LRRC37A2: variants seen among roughly 807,000 people sequenced by gnomAD.
LRRC37A2 encodes leucine rich repeat containing 37 member A2.
LRRC37A2 carries 9 observed loss-of-function variants against 68.8 expected under a neutral mutation model. The ratio of observed to expected loss-of-function variants is 0.13; its 90% CI spans 0.08 to 0.23. The LOEUF (loss-of-function observed/expected upper bound fraction) is 0.23, where lower values mean the gene tolerates loss of function less well. Ranked by LOEUF, LRRC37A2 falls within the 10% of genes least tolerant of loss-of-function variation. The probability of loss-of-function intolerance (pLI) is 1.00; values close to 1 mark genes in which losing one functional copy is unlikely to be tolerated. For missense variants in LRRC37A2, 168 were observed against 950.4 expected, an observed-to-expected ratio of 0.18 and a Z score of 10.82; for synonymous variants, 63 against 367.6, an observed-to-expected ratio of 0.17 and a Z score of 9.48.
chr17:46,718,637 G>A, the LRRC37A2 span, among the ~76,000 whole-genome samples: 3 of 152,114 alleles, frequency 2.0e-5, no homozygotes, highest in Non-Finnish European at 2.9e-5. Flanking sequence ...TAACATGACC[G>A]AGAATTTGGG....
chr17:46,710,755 C>T, the LRRC37A2 span, among the ~76,000 whole-genome samples: 2 of 152,094 alleles, frequency 1.3e-5, no homozygotes, highest in Non-Finnish European at 2.9e-5. Context: ...TGTTTTTATT[C>T]CATTAAGTCA....
chr17:46,936,678 T>A, the LRRC37A2 span: 1 of 985,088 alleles, frequency 1.0e-6, no homozygotes, highest in African/African-American at 1.7e-5. Context: ...TTCAAGTGAT[T>A]TAGAAGGTTG....
chr17:46,492,057 A>G, the LRRC37A2 span, among the ~76,000 whole-genome samples: 2 of 150,506 alleles, frequency 1.3e-5, no homozygotes, highest in Non-Finnish European at 2.9e-5. Context: ...TCCGCTTCCC[A>G]GGTTCAAGCG....
chr17:46,855,956 T>G, the LRRC37A2 span, among the ~76,000 whole-genome samples: 3 of 152,232 alleles, frequency 2.0e-5, no homozygotes, highest in Non-Finnish European at 4.4e-5. Flanking sequence ...CCCAAACTGC[T>G]GGGCTTATAG....
chr17:46,816,127 ACACT>A, the LRRC37A2 span, among the ~76,000 whole-genome samples: 1 of 128,352 alleles, frequency 7.8e-6, no homozygotes, highest in Non-Finnish European at 1.6e-5. Context: ...ACACACACAC[ACACT>A]CACACACACG....
chr17:46,895,079 C>A, the LRRC37A2 span, among the ~76,000 whole-genome samples: 1 of 152,210 alleles, frequency 6.6e-6, no homozygotes. Flanking sequence ...TGGTGGTGGC[C>A]CCTGCCTGCA....
the LRRC37A2 span, among the ~76,000 whole-genome samples, chr17:46,783,440 AG>A: frequency 6.6e-6 from 1 of 152,196 alleles, no homozygotes; most frequent in South Asian, 2.1e-4. Context: ...GCAGGGTTCC[AG>A]GTTCTGGGAA....
At chr17:46,727,995 T>A in the LRRC37A2 span, among the ~76,000 whole-genome samples, 1 of 152,088 alleles carries the variant, frequency 6.6e-6, no homozygotes, top group Admixed American at 6.5e-5. Context: ...TTGGATATTC[T>A]GTTTTTTTTT....
chr17:46,998,455 C>G, the LRRC37A2 span, among the ~76,000 whole-genome samples: 3 of 152,188 alleles, frequency 2.0e-5, no homozygotes, highest in African/African-American at 4.8e-5. Context: ...TCCTTTAACT[C>G]GGGGCCTGTA....
At chr17:46,897,323 C>A in the LRRC37A2 span, among the ~76,000 whole-genome samples, 1 of 152,210 alleles carries the variant, frequency 6.6e-6, no homozygotes, top group Non-Finnish European at 1.5e-5. Context: ...TCTAGGGCCA[C>A]TGTCTCCAAT....
chr17:46,816,464 C>T, the LRRC37A2 span, among the ~76,000 whole-genome samples: 1 of 126,814 alleles, frequency 7.9e-6, no homozygotes, highest in South Asian at 2.6e-4. Context: ...GGTCATAGAC[C>T]CAGAACACAC....
the LRRC37A2 span, chr17:47,018,370 C>CAGTTT: frequency 6.2e-7 from 1 of 1,610,642 alleles, no homozygotes; most frequent in African/African-American, 1.3e-5. Context: ...CATGAAGTCA[C>CAGTTT]AGTTTCACCT....
chr17:46,924,232 A>G, the LRRC37A2 span: 2 of 183,296 alleles, frequency 1.1e-5, no homozygotes, highest in Middle Eastern at 1.9e-3. Context: ...GTCCTTTTGT[A>G]TCTGGCTTAT....
At chr17:46,540,512 A>G (rs937826013) in intron 7 of LRRC37A2, among the ~76,000 whole-genome samples, 8 of 148,586 alleles carry the variant, frequency 5.4e-5, no homozygotes, top group African/African-American at 2.1e-4. Context: ...CCAAGAAAGC[A>G]AAGGGGAAAA....
At chr17:46,722,108 C>CTT in the LRRC37A2 span, 1 of 1,611,808 alleles carries the variant, frequency 6.2e-7, no homozygotes, top group Non-Finnish European at 8.5e-7. Context: ...GATGGCCGGA[C>CTT]TCGAACTCGT....
At chr17:47,027,491 C>T in the LRRC37A2 span, 49 of 775,242 alleles carry the variant, frequency 6.3e-5, no homozygotes, top group Non-Finnish European at 1.0e-4. Context: ...TAAACTCTTG[C>T]TATTATTCAT....
chr17:46,857,543 T>C, the LRRC37A2 span, among the ~76,000 whole-genome samples: 1 of 152,030 alleles, frequency 6.6e-6, no homozygotes, highest in Non-Finnish European at 1.5e-5. Flanking sequence ...ATAAAGCTGG[T>C]ATAAACATCC....
chr17:46,825,965 G>A, the LRRC37A2 span, among the ~76,000 whole-genome samples: 4 of 152,370 alleles, frequency 2.6e-5, no homozygotes, highest in Admixed American at 6.5e-5. Flanking sequence ...GGAGGTTGCG[G>A]TGAGCCAAGA....
chr17:46,801,670 A>G, the LRRC37A2 span, among the ~76,000 whole-genome samples: 24 of 150,676 alleles, frequency 1.6e-4, no homozygotes, highest in African/African-American at 5.9e-4. Flanking sequence ...TTAAAATAAG[A>G]CTGACTAAAC....
Sources: allele counts gnomAD v4.1 joint callset (sites outside exome capture counted in the v4.1 genomes callset), GRCh38; gene constraint gnomAD v4.1.1; transcripts MANE v1.5; gene names NCBI Gene and HGNC (gene_info 2026-07-23, HGNC 2026-07-21).